The following CNTNAP2 variants were observed in gnomAD, a reference collection of about 807,000 sequenced individuals.
CNTNAP2 encodes contactin associated protein 2.
Under a neutral mutation model 155.2 loss-of-function variants are expected in CNTNAP2, and 98 were observed. The observed-to-expected ratio is 0.63, with a 90% CI of 0.54 to 0.75. CNTNAP2 has a LOEUF of 0.75. Among genes scored for constraint, CNTNAP2 ranks in the 30% least tolerant of loss-of-function variants. The probability of loss-of-function intolerance (pLI) is 0.00; values close to 1 mark genes in which losing one functional copy is unlikely to be tolerated. For synonymous variants in CNTNAP2, 651 were observed against 631.2 expected (o/e 1.03, Z -0.47); for missense variants, 1,727 against 1,688.1 (o/e 1.02, Z -0.40).
At chr7:147,647,297 G>A (rs755594961) in intron 13 of CNTNAP2, among the ~76,000 whole-genome samples, 4 of 151,498 alleles carry the variant, frequency 2.6e-5, no homozygotes, top group East Asian at 1.9e-4. Flanking sequence ...CACCGCGCCC[G>A]GCCAGTTCAC....
At chr7:146,735,377 C>A (rs1328026009) in intron 1 of CNTNAP2, among the ~76,000 whole-genome samples, 3 of 152,048 alleles carry the variant, frequency 2.0e-5, no homozygotes, top group African/African-American at 7.2e-5. Context: ...ACGGTGAAAC[C>A]CTGTCTCTAC....
intron 1 of CNTNAP2, among the ~76,000 whole-genome samples, chr7:146,623,100 C>G (rs1330858107): frequency 6.6e-6 from 1 of 151,914 alleles, no homozygotes; most frequent in African/African-American, 2.4e-5. Context: ...ATAACTTTGT[C>G]AAACAGAGAA....
At chr7:146,504,708 C>T (rs144950673) in intron 1 of CNTNAP2, among the ~76,000 whole-genome samples, 1 of 152,168 alleles carries the variant, frequency 6.6e-6, no homozygotes, top group Non-Finnish European at 1.5e-5. Context: ...GTAGCACCTT[C>T]CAGTTATGTG....
intron 8 of CNTNAP2, among the ~76,000 whole-genome samples, chr7:147,239,762 A>G (rs1191986597): frequency 6.6e-6 from 1 of 152,192 alleles, no homozygotes; most frequent in Non-Finnish European, 1.5e-5. Flanking sequence ...ATTTTCCATG[A>G]ATCTACAACA....
At chr7:148,162,744 C>T (rs955780826) in intron 17 of CNTNAP2, among the ~76,000 whole-genome samples, 1 of 152,282 alleles carries the variant, frequency 6.6e-6, no homozygotes, top group Admixed American at 6.5e-5. Context: ...ACCTGTGATC[C>T]TAACACTTTT....
At chr7:146,990,899 G>A (rs577027434) in intron 3 of CNTNAP2, among the ~76,000 whole-genome samples, 9 of 152,034 alleles carry the variant, frequency 5.9e-5, no homozygotes, top group Non-Finnish European at 1.2e-4. Flanking sequence ...GGAAACTTTG[G>A]TTTAGCTGGA....
intron 1 of CNTNAP2, among the ~76,000 whole-genome samples, chr7:146,550,076 C>T (rs535763661): frequency 6.6e-6 from 1 of 152,128 alleles, no homozygotes; most frequent in African/African-American, 2.4e-5. Flanking sequence ...TCCAGGTTTT[C>T]AAACATAAAA....
At chr7:146,783,801 C>G (rs1032785158) in intron 2 of CNTNAP2, among the ~76,000 whole-genome samples, 6 of 152,208 alleles carry the variant, frequency 3.9e-5, no homozygotes, top group African/African-American at 1.4e-4. Flanking sequence ...TCAAATCAGA[C>G]TGGACAGATC....
intron 1 of CNTNAP2, among the ~76,000 whole-genome samples, chr7:146,601,106 T>G (rs1419167358): frequency 1.3e-5 from 2 of 152,234 alleles, no homozygotes; most frequent in East Asian, 3.9e-4. Context: ...TCCCCTGATA[T>G]CTTAATTTTA....
intron 17 of CNTNAP2, among the ~76,000 whole-genome samples, chr7:148,171,509 G>A (rs1046101293): frequency 6.6e-6 from 1 of 152,130 alleles, no homozygotes; most frequent in South Asian, 2.1e-4. Context: ...GAAATTTCTT[G>A]GGAATATTTT....
chr7:147,840,008 T>G (rs558091032), intron 13 of CNTNAP2, among the ~76,000 whole-genome samples: 1 of 151,988 alleles, frequency 6.6e-6, no homozygotes, highest in East Asian at 1.9e-4. Flanking sequence ...AAATCATGTC[T>G]TTTGGAGCAA....
At chr7:147,016,253 TCTAA>T (rs1798721537) in intron 3 of CNTNAP2, among the ~76,000 whole-genome samples, 1 of 151,950 alleles carries the variant, frequency 6.6e-6, no homozygotes, top group Non-Finnish European at 1.5e-5. Context: ...TGATTGCTTG[TCTAA>T]CTGTCATTGG....
At chr7:147,141,734 T>C (rs752911033) in intron 8 of CNTNAP2, among the ~76,000 whole-genome samples, 1 of 152,156 alleles carries the variant, frequency 6.6e-6, no homozygotes, top group African/African-American at 2.4e-5. Flanking sequence ...CTGTGGAATA[T>C]GACACATCTG....
chr7:146,435,114 A>G (rs914107653), intron 1 of CNTNAP2, among the ~76,000 whole-genome samples: 3 of 152,150 alleles, frequency 2.0e-5, no homozygotes, highest in African/African-American at 7.2e-5. Context: ...ACTTTTCAGG[A>G]TAGTCTCATG....
intron 1 of CNTNAP2, among the ~76,000 whole-genome samples, chr7:146,357,550 T>G (rs1444730162): frequency 6.6e-6 from 1 of 152,192 alleles, no homozygotes; most frequent in East Asian, 1.9e-4. Flanking sequence ...ACTGGCAGAT[T>G]GCCATGGCTA....
intron 15 of CNTNAP2, among the ~76,000 whole-genome samples, chr7:148,001,723 C>T (rs1801901558): frequency 6.6e-6 from 1 of 152,110 alleles, no homozygotes; most frequent in African/African-American, 2.4e-5. Flanking sequence ...TCTATGAAGC[C>T]ATCTAGCTAG....
chr7:147,296,707 A>T (rs1027014456), intron 8 of CNTNAP2, among the ~76,000 whole-genome samples: 3 of 152,204 alleles, frequency 2.0e-5, no homozygotes, highest in African/African-American at 7.2e-5. Flanking sequence ...ATATGGGTGC[A>T]TATTGTTTAT....
rs559603130 is a variant in CNTNAP2, at chr7:146,798,593, C to T, written c.208+24212C>T. Among the ~76,000 whole-genome samples the T allele has an allele frequency of 2.0e-5, 3 of 152,230 alleles. No individual in the cohort carries two copies. The South Asian group carries it at 6.2e-4, about 32-fold the overall frequency. On this transcript the variant is annotated intron_variant, in intron 2 of 23. Transcript: ENST00000361727. ...ACTCCTGGGCTCAAGCAATCCTCCT[C>T]CCTCAGCCTCCAAAATGTTGTGATT...
chr7:147,463,433 T>C (rs1205423971), intron 10 of CNTNAP2, among the ~76,000 whole-genome samples: 1 of 152,202 alleles, frequency 6.6e-6, no homozygotes, highest in East Asian at 1.9e-4. Context: ...GCTTCTACTA[T>C]ATCTCACGTG....
Sources: allele counts gnomAD v4.1 joint callset (sites outside exome capture counted in the v4.1 genomes callset), GRCh38; gene constraint gnomAD v4.1.1; transcripts MANE v1.5; gene names NCBI Gene and HGNC (gene_info 2026-07-23, HGNC 2026-07-21).